The following NRXN1 variants were observed in gnomAD, a reference collection of about 807,000 sequenced individuals.
The protein encoded by NRXN1 is neurexin-1.
A neutral mutation model predicts 150.9 loss-of-function variants in NRXN1; 39 were observed. That is an observed-to-expected ratio of 0.26 (90% confidence interval 0.20 to 0.34). NRXN1 has a LOEUF of 0.34. NRXN1 is among the 10% of genes least tolerant of loss of function. The pLI is 1.00. For synonymous variants in NRXN1, 924 were observed against 757.0 expected, an observed-to-expected ratio of 1.22 and a Z score of -3.62; for missense variants, 1,815 against 1,949.9, an observed-to-expected ratio of 0.93 and a Z score of 1.30.
chr2:50,570,582 G>A (rs940139244), intron 8 of NRXN1, among the ~76,000 whole-genome samples: 1 of 152,114 alleles, frequency 6.6e-6, no homozygotes, highest in Non-Finnish European at 1.5e-5. Flanking sequence ...CTGTGTGGTT[G>A]AGTGGCAGAA....
intron 21 of NRXN1, among the ~76,000 whole-genome samples, chr2:49,956,798 C>G (rs531601708): frequency 6.6e-6 from 1 of 152,164 alleles, no homozygotes; most frequent in East Asian, 1.9e-4. Context: ...TTTTTTGGTA[C>G]AAGGAAGGTG....
chr2:50,588,345 G>C (rs1399867875), intron 8 of NRXN1, among the ~76,000 whole-genome samples: 1 of 152,080 alleles, frequency 6.6e-6, no homozygotes, highest in Non-Finnish European at 1.5e-5. Flanking sequence ...AAACTAAATA[G>C]TAACTGTGAC....
chr2:50,231,939 C>G (rs10490232), intron 18 of NRXN1, among the ~76,000 whole-genome samples: 19,481 of 151,958 alleles, frequency 0.13, 1,366 homozygotes, highest in African/African-American at 0.17. Context: ...TTAAATAATC[C>G]TCAACACATC....
At chr2:50,732,696 G>C (rs999444795) in intron 5 of NRXN1, among the ~76,000 whole-genome samples, 3 of 152,064 alleles carry the variant, frequency 2.0e-5, no homozygotes, top group Admixed American at 2.0e-4. Flanking sequence ...CTGAAGTAAA[G>C]ACTACTTGTG....
chr2:50,234,332 G>A (rs1051900727), intron 18 of NRXN1, among the ~76,000 whole-genome samples: 4 of 151,834 alleles, frequency 2.6e-5, no homozygotes, highest in South Asian at 2.1e-4. Flanking sequence ...CGTCTCTACC[G>A]CATATACAAA....
rs1255091707 is a variant in NRXN1, at chr2:50,080,483, C to CA, written c.3718+10839dup. Among the ~76,000 whole-genome samples the CA allele has an allele frequency of 6.6e-5, 10 of 152,134 alleles. No individual in the cohort carries two copies. The East Asian group carries it at 1.9e-3, about 29-fold the overall frequency. ...CTTTCCAGAGATGTTATATTGATAG[C>CA]AATTTTTATCTTTATGATATTGGAC... On this transcript the variant is annotated intron_variant, in intron 19 of 22. Transcript: ENST00000401669.
chr2:50,975,405 C>G (rs1256182724), intron 2 of NRXN1, among the ~76,000 whole-genome samples: 2 of 152,068 alleles, frequency 1.3e-5, no homozygotes, highest in Non-Finnish European at 2.9e-5. Context: ...CATACATACA[C>G]ACATACAAGT....
intron 17 of NRXN1, among the ~76,000 whole-genome samples, chr2:50,406,644 C>T (rs1307374484): frequency 1.3e-5 from 2 of 152,084 alleles, no homozygotes; most frequent in Admixed American, 6.5e-5. Flanking sequence ...TAATGACATG[C>T]CAGGTATTAG....
chr2:50,685,580 C>CT (rs1691102090), intron 5 of NRXN1, among the ~76,000 whole-genome samples: 1 of 151,972 alleles, frequency 6.6e-6, no homozygotes, highest in Non-Finnish European at 1.5e-5. Context: ...ATTTCTATCC[C>CT]TTTACCTCTC....
At chr2:50,401,540 G>T (rs2082393035) in intron 17 of NRXN1, among the ~76,000 whole-genome samples, 2 of 152,016 alleles carry the variant, frequency 1.3e-5, no homozygotes, top group Admixed American at 6.6e-5. Flanking sequence ...CCCTTCCAAA[G>T]TATGACTAGG....
chr2:50,623,695 A>T (rs942150334), intron 5 of NRXN1, 80 bp from the exon 6 acceptor site: 1 of 957,598 alleles, frequency 1.0e-6, no homozygotes, highest in Non-Finnish European at 1.6e-6. Context: ...AACAATAGCT[A>T]ATCACTCCCC....
intron 3 of NRXN1, among the ~76,000 whole-genome samples, chr2:50,925,615 C>T (rs1397037660): frequency 6.6e-6 from 1 of 151,782 alleles, no homozygotes; most frequent in Non-Finnish European, 1.5e-5. Flanking sequence ...TATGAAACTA[C>T]AAAGAAATAT....
At chr2:50,364,873 A>G (rs1021921099) in intron 17 of NRXN1, among the ~76,000 whole-genome samples, 2 of 152,008 alleles carry the variant, frequency 1.3e-5, no homozygotes, top group Non-Finnish European at 2.9e-5. Context: ...AGTAATACTG[A>G]TTTTTTCAAT....
chr2:50,376,469 C>CTCA (rs767185842), intron 17 of NRXN1, among the ~76,000 whole-genome samples: 9 of 152,020 alleles, frequency 5.9e-5, no homozygotes, highest in Non-Finnish European at 1.0e-4. Context: ...CATGGATATA[C>CTCA]TCAAACATTG....
intron 5 of NRXN1, among the ~76,000 whole-genome samples, chr2:50,682,588 C>A (rs766307550): frequency 6.6e-6 from 1 of 152,076 alleles, no homozygotes; most frequent in Non-Finnish European, 1.5e-5. Flanking sequence ...AGCTTGGGGT[C>A]AGTTCAGAAG....
At chr2:50,819,493 A>G (rs1669407263) in intron 5 of NRXN1, among the ~76,000 whole-genome samples, 1 of 152,096 alleles carries the variant, frequency 6.6e-6, no homozygotes, top group Non-Finnish European at 1.5e-5. Context: ...ATATAAGTAG[A>G]AAGTAGAACA....
chr2:49,943,601 G>A (rs1672383087), intron 22 of NRXN1, 103 bp downstream of exon 22: 1 of 760,800 alleles, frequency 1.3e-6, no homozygotes. Context: ...GATGGTATAG[G>A]AGGGTAGCCT....
At chr2:50,314,286 G>C (rs922172006) in intron 17 of NRXN1, among the ~76,000 whole-genome samples, 2 of 151,916 alleles carry the variant, frequency 1.3e-5, no homozygotes, top group African/African-American at 4.8e-5. Flanking sequence ...TGTGGACTCT[G>C]TATGATTTCT....
At chr2:50,981,826 T>C (rs1696868115) in intron 2 of NRXN1, among the ~76,000 whole-genome samples, 1 of 146,586 alleles carries the variant, frequency 6.8e-6, no homozygotes, top group Non-Finnish European at 1.5e-5. Context: ...ACAATGTGTG[T>C]GTGTGTGTGT....
Sources: gnomAD v4.1 joint callset for allele counts (sites outside exome capture counted in the v4.1 genomes callset) on GRCh38, gnomAD v4.1.1 for gene constraint, MANE v1.5 for transcripts, NCBI Gene and HGNC (gene_info 2026-07-23, HGNC 2026-07-21) for gene names.